The following SLAIN2 variants were observed in gnomAD, a reference collection of about 807,000 sequenced individuals.
The protein encoded by SLAIN2 is SLAIN motif-containing protein 2.
Under a neutral mutation model 56.6 loss-of-function variants are expected in SLAIN2, and 31 were observed. That is an observed-to-expected ratio of 0.55 (90% CI 0.41 to 0.74). The LOEUF (loss-of-function observed/expected upper bound fraction) is 0.74. SLAIN2 is among the 30% of genes least tolerant of loss of function. The probability of loss-of-function intolerance (pLI) is 0.00; values close to 1 mark genes in which losing one functional copy is unlikely to be tolerated. For synonymous variants in SLAIN2, 317 were observed against 284.9 expected (o/e 1.11, Z -1.13); for missense variants, 777 against 754.2 (o/e 1.03, Z -0.35).
At chr4:48,348,921 TAA>T (rs1714940540) in intron 1 of SLAIN2, among the ~76,000 whole-genome samples, 1 of 152,222 alleles carries the variant, frequency 6.6e-6, no homozygotes, top group Non-Finnish European at 1.5e-5. Context: ...GCAGGGTATT[TAA>T]AAGTCCTCAG....
chr4:48,352,329 G>A (rs1391730238), intron 1 of SLAIN2, among the ~76,000 whole-genome samples: 1 of 152,070 alleles, frequency 6.6e-6, no homozygotes, highest in Non-Finnish European at 1.5e-5. Flanking sequence ...CTTATAATAT[G>A]TTGCATGAAA....
At chr4:48,370,072 G>T in intron 2 of SLAIN2, 75 bp downstream of exon 2, 1 of 1,416,838 alleles carries the variant, frequency 7.1e-7, no homozygotes, top group South Asian at 1.3e-5. Flanking sequence ...TGAGCATTGT[G>T]TTTTTAGGAA....
chr4:48,347,594 AATT>A (rs963755399), intron 1 of SLAIN2, among the ~76,000 whole-genome samples: 3 of 152,202 alleles, frequency 2.0e-5, no homozygotes, highest in Admixed American at 2.0e-4. Context: ...TTGGAGTTGT[AATT>A]ATTATTATTT....
At chr4:48,342,980 G>C (rs1714767646) in intron 1 of SLAIN2, among the ~76,000 whole-genome samples, 1 of 152,080 alleles carries the variant, frequency 6.6e-6, no homozygotes, top group Admixed American at 6.5e-5. Flanking sequence ...TCATAAATAG[G>C]ACATGGGAGG....
intron 6 of SLAIN2, among the ~76,000 whole-genome samples, chr4:48,419,322 C>T (rs1717085283): frequency 6.6e-6 from 1 of 152,014 alleles, no homozygotes; most frequent in Non-Finnish European, 1.5e-5. Flanking sequence ...CAGGCAGGTC[C>T]CGAACTCCTG....
chr4:48,376,517 T>C (rs1447042711), intron 2 of SLAIN2, among the ~76,000 whole-genome samples: 1 of 151,700 alleles, frequency 6.6e-6, no homozygotes, highest in African/African-American at 2.4e-5. Flanking sequence ...ATTTTTTAAA[T>C]ATATGCATTT....
chr4:48,403,831 G>C (rs1716620559), intron 6 of SLAIN2, among the ~76,000 whole-genome samples: 3 of 152,232 alleles, frequency 2.0e-5, no homozygotes, highest in Admixed American at 1.3e-4. Flanking sequence ...GTGAGTGCCT[G>C]AGTGGCCATT....
chr4:48,389,607 T>C (rs1425640605), intron 6 of SLAIN2, among the ~76,000 whole-genome samples: 1 of 152,200 alleles, frequency 6.6e-6, no homozygotes, highest in Non-Finnish European at 1.5e-5. Context: ...AGGAAAGATA[T>C]TAAAAGATAT....
intron 1 of SLAIN2, among the ~76,000 whole-genome samples, chr4:48,345,178 A>G (rs1249414943): frequency 6.6e-6 from 1 of 152,166 alleles, no homozygotes; most frequent in Non-Finnish European, 1.5e-5. Context: ...CTGTTCCCAC[A>G]GTATTTTGCT....
chr4:48,406,564 A>G (rs1268381886), intron 6 of SLAIN2, among the ~76,000 whole-genome samples: 4 of 135,412 alleles, frequency 3.0e-5, no homozygotes, highest in African/African-American at 1.1e-4. Flanking sequence ...CTATATCCAC[A>G]TTGTCAGATA....
chr4:48,359,743 TATA>T (rs1454571486), intron 1 of SLAIN2, among the ~76,000 whole-genome samples: 2 of 152,250 alleles, frequency 1.3e-5, no homozygotes, highest in Non-Finnish European at 2.9e-5. Context: ...ATCACCATAT[TATA>T]CAGGTATGTG....
chr4:48,403,894 G>C (rs912155231), intron 6 of SLAIN2, among the ~76,000 whole-genome samples: 1 of 152,198 alleles, frequency 6.6e-6, no homozygotes, highest in Non-Finnish European at 1.5e-5. Flanking sequence ...GTGGTGGCGT[G>C]GGCTTGTGAG....
chr4:48,389,961 A>C, intron 6 of SLAIN2, among the ~76,000 whole-genome samples: 1 of 152,196 alleles, frequency 6.6e-6, no homozygotes, highest in Admixed American at 6.5e-5. Flanking sequence ...CAGTGAGGTG[A>C]GACTAGAAAC....
chr4:48,405,231 C>G (rs1414363914), intron 6 of SLAIN2, among the ~76,000 whole-genome samples: 1 of 152,176 alleles, frequency 6.6e-6, no homozygotes, highest in East Asian at 1.9e-4. Flanking sequence ...TGACATCGTC[C>G]ACCTGTCTGC....
Position 48,421,808 on chromosome 4 carries a change from C to G in SLAIN2, c.1680-203C>G, listed in dbSNP as rs73814755. ...CTATGTTAACAAAATGGGAAGTCATCTGGTGCCCAGTAAAACTTGGAAGTT... is the reference window on the plus strand; with the variant it reads ...CTATGTTAACAAAATGGGAAGTCATGTGGTGCCCAGTAAAACTTGGAAGTT... On this transcript the variant is annotated intron_variant, in intron 7 of 7. Coordinates refer to ENST00000264313, the MANE Select transcript of SLAIN2 (RefSeq NM_020846.2). 9.5e-3 allele frequency among the ~76,000 whole-genome samples: 1,440 copies of G among 151,592 alleles called. 18 individuals are homozygous for G. The highest frequency in any genetic ancestry group is 0.033 in the African/African-American group (1,367 of 41,260).
intron 2 of SLAIN2, among the ~76,000 whole-genome samples, chr4:48,374,573 A>C (rs1370753969): frequency 6.6e-6 from 1 of 152,170 alleles, no homozygotes; most frequent in Non-Finnish European, 1.5e-5. Context: ...GAGCACTAGA[A>C]AAATATCGAA....
chr4:48,395,342 G>A (rs371962844), intron 6 of SLAIN2, among the ~76,000 whole-genome samples: 2 of 152,068 alleles, frequency 1.3e-5, no homozygotes, highest in South Asian at 2.1e-4. Context: ...TCCAGAACAT[G>A]TAGGTTTTCT....
chr4:48,351,581 G>C (rs563797185), intron 1 of SLAIN2, among the ~76,000 whole-genome samples: 1 of 152,336 alleles, frequency 6.6e-6, no homozygotes, highest in Admixed American at 6.5e-5. Context: ...TTTGGAACTT[G>C]ATGAGCAGGC....
intron 1 of SLAIN2, among the ~76,000 whole-genome samples, chr4:48,346,234 C>T (rs1714861176): frequency 6.6e-6 from 1 of 152,046 alleles, no homozygotes; most frequent in African/African-American, 2.4e-5. Context: ...TTTCTAGACA[C>T]TGCTTATTTT....
Sources: allele counts gnomAD v4.1 joint callset (sites outside exome capture counted in the v4.1 genomes callset), GRCh38; gene constraint gnomAD v4.1.1; transcripts MANE v1.5; gene names NCBI Gene and HGNC (gene_info 2026-07-23, HGNC 2026-07-21).